The following ACIN1 variants were observed in gnomAD, a reference collection of about 807,000 sequenced individuals.
ACIN1 encodes the protein apoptotic chromatin condensation inducer 1.
A neutral mutation model predicts 146.6 loss-of-function variants in ACIN1; 16 were observed. That is an observed-to-expected ratio of 0.11 (90% CI 0.07 to 0.17). The LOEUF is 0.17. ACIN1 is among the 10% of genes least tolerant of loss of function. The probability of loss-of-function intolerance (pLI) is 1.00; values close to 1 mark genes in which losing one functional copy is unlikely to be tolerated. For missense variants in ACIN1, 1,357 were observed against 1,609.3 expected (o/e 0.84, Z 2.68); for synonymous variants, 569 against 582.7 (o/e 0.98, Z 0.34).
Position 23,067,244 on chromosome 14 carries a change from A to G in ACIN1, c.2266-1236T>C, listed in dbSNP as rs1348687841. 1.1e-6 allele frequency: 1 copy of G among 906,306 alleles called. No individual in the cohort carries two copies. Among genetic ancestry groups the G allele is most frequent in the African/African-American group, 1.8e-5 (1 of 55,614 alleles). The allele number at this position is 906,306 out of a possible 1,614,324, so 56.1% of individuals were successfully genotyped here. A position where few individuals can be genotyped will look rare whatever the true frequency, so the allele number is the denominator to read the frequency against. ...AGAAAAAAATAAAATAAAATATTAA[A>G]AAAAGAAGAAGAAAATAAAGAAGAA... On this transcript the variant is annotated intron_variant, in intron 9 of 18. Transcript: ENST00000605057. This position sits in a 1 kb window ranked among gnomAD's most constrained non-coding sequence, Gnocchi z 4.6.
At position 23,072,777 on chromosome 14, in the gene ACIN1, A is replaced by G. The variant is rs375118278; in HGVS notation, c.2124-3160T>C. ...ACTGCATGCTAAAGTGGCCATATTT[A>G]TACATTACTTTAAATGTTTCCTTTC... On this transcript the variant is annotated intron_variant, in intron 8 of 18. Transcript: ENST00000605057. Among the ~76,000 whole-genome samples, 20 of 152,372 alleles carry G rather than the reference A, an allele frequency of 1.3e-4. No homozygotes were observed. The South Asian group carries it at 3.3e-3, about 25-fold the overall frequency.
intron 14 of ACIN1, 142 bp from the exon 15 acceptor site, chr14:23,062,665 G>C: frequency 3.6e-6 from 3 of 827,330 alleles, no homozygotes; most frequent in Non-Finnish European, 5.8e-6. Flanking sequence ...CAGTAAGAAT[G>C]TGAGAAGAGT....
In ACIN1 at chr14:23,080,470, C is replaced by A. The variant is rs746459395; in HGVS notation, c.865G>T (p.Ala289Ser). The change falls in exon 6 of 19, where the codon GCT becomes TCT. Residue 289 changes from alanine to serine, a missense_variant. Physicochemically the swap from Ala to Ser is moderately conservative, Grantham distance 99. Transcript: ENST00000605057. ...TGTCTGGCCAGATGACTTTTTCTAG[C>A]CTCTTCCTGGGATCTTGTAAATCTC... is the stretch of plus-strand genomic sequence containing the variant. ...GGRFTRSQEE[A>S]RKSHLARQQQ... 1.9e-6 allele frequency: 3 copies of A among 1,614,116 alleles called. No individual in the cohort carries two copies. The Admixed American group carries it at 5.0e-5, about 27-fold the overall frequency.
chr14:23,082,669 T>G (rs1305427151), intron 4 of ACIN1, among the ~76,000 whole-genome samples: 1 of 152,028 alleles, frequency 6.6e-6, no homozygotes, highest in Non-Finnish European at 1.5e-5. Flanking sequence ...GGTCTCAAAC[T>G]CCTGACCTCA....
intron 14 of ACIN1, 181 bp from the exon 15 acceptor site, chr14:23,062,704 G>T: frequency 1.3e-6 from 1 of 746,474 alleles, no homozygotes; most frequent in Admixed American, 2.8e-5. Flanking sequence ...TAATTGAGAC[G>T]TTGTATGTGA....
rs1381753371 is a variant in ACIN1 at position 23,062,867 on chromosome 14, A to T, written c.2883+62T>A. On this transcript the variant is annotated intron_variant, in intron 14 of 18. Coordinates refer to ENST00000605057, the MANE Select transcript of ACIN1 (RefSeq NM_001386863.1). ...CAACTATGAGTGGAACCTAGGAGGC[A>T]TAAGCCTAAAGCTCAAACTTAACCA... 4.6e-6 allele frequency: 7 copies of T among 1,529,538 alleles called. No individual in the cohort carries two copies. In the African/African-American group the frequency reaches 9.7e-5, roughly 21 times the overall value. 94.7% of individuals were successfully genotyped at this position (1,529,538 alleles called of 1,614,324 possible).
At chr14:23,094,931 C>A in intron 1 of ACIN1, 44 bp downstream of exon 1, 1 of 1,540,062 alleles carries the variant, frequency 6.5e-7, no homozygotes. Context: ...TCGTCTCTAC[C>A]GGGTCCGCTC....
At chr14:23,085,970 T>A (rs1386558707) in intron 4 of ACIN1, among the ~76,000 whole-genome samples, 4 of 152,242 alleles carry the variant, frequency 2.6e-5, no homozygotes, top group Non-Finnish European at 5.9e-5. Context: ...GCAGGATATA[T>A]TAAAGTGCAG....
rs1594751969 is a variant in ACIN1 at position 23,067,601 on chromosome 14, G to C, written c.2266-1593C>G. The C allele has an allele frequency of 1.0e-6, 1 of 985,950 alleles. No homozygotes were observed. The highest frequency in any genetic ancestry group is 1.1e-4 in the East Asian group (1 of 8,820). The allele number at this position is 985,950 out of a possible 1,614,324, so 61.1% of individuals were successfully genotyped here. A position where few individuals can be genotyped will look rare whatever the true frequency, so the allele number is the denominator to read the frequency against. On this transcript the variant is annotated intron_variant, in intron 9 of 18. Transcript: ENST00000605057. This position sits in a 1 kb window ranked among gnomAD's most constrained non-coding sequence, Gnocchi z 4.6. ...CTCAGCGAGGGATAGAGGGGGGAAA[G>C]GGGCAGAGACATCAGTCCTGGCCCT... is the stretch of plus-strand genomic sequence containing the variant.
At chr14:23,084,444 A>C (rs983583921) in intron 4 of ACIN1, among the ~76,000 whole-genome samples, 1 of 152,062 alleles carries the variant, frequency 6.6e-6, no homozygotes. Context: ...ATCTCTACTA[A>C]AAATACAAAA....
At chr14:23,086,642 C>T (rs2048098176) in intron 4 of ACIN1, among the ~76,000 whole-genome samples, 1 of 152,182 alleles carries the variant, frequency 6.6e-6, no homozygotes, top group African/African-American at 2.4e-5. Context: ...TGTGCCATCA[C>T]AGTCAGCTAA....
Position 23,080,517 on chromosome 14 carries a change from T to G in ACIN1, c.818A>C (p.Gln273Pro). Reference sequence around the variant, plus strand: ...TCTCCCTCCTCTCTCTAACACCTCCTGTTCCTGGGATCTTGTTTTGGGTCT... The same window carrying G: ...TCTCCCTCCTCTCTCTAACACCTCCGGTTCCTGGGATCTTGTTTTGGGTCT... ...DERPKTRSQE[Q>P]EVLERGGRFT... The change falls in exon 6 of 19, where the codon CAG (glutamine) becomes CCG (proline). Residue 273 changes from glutamine (Q) to proline (P), a missense_variant. Around this residue, in one of 4 missense-constraint regions of ACIN1, gnomAD observed 771 missense variants for 746.6 expected, o/e 1.03. Transcript: ENST00000605057. 6.2e-7 allele frequency: 1 copy of G among 1,614,184 alleles called. No individual in the cohort carries two copies. Among genetic ancestry groups the G allele is most frequent in the African/African-American group, 1.3e-5 (1 of 75,040 alleles).
chr14:23,065,224 G>A (rs753611745), intron 10 of ACIN1, among the ~76,000 whole-genome samples: 3 of 152,168 alleles, frequency 2.0e-5, no homozygotes, highest in Admixed American at 6.5e-5. Flanking sequence ...TCCTCATTGG[G>A]GAAAATGTTA....
chr14:23,079,288 A>G lies in ACIN1; in HGVS notation c.1789-250T>C, dbSNP rs112929478. 6.0e-4 allele frequency among the ~76,000 whole-genome samples: 92 copies of G among 152,360 alleles called. 3 individuals carry two copies. Among genetic ancestry groups the G allele is most frequent in the Middle Eastern group, 3.4e-3 (1 of 294 alleles). ...GTAAAAGGGCATGCCCACATCCTCA[A>G]GAAGTTTCCATCTAGTGGAGGAGAT... On this transcript the variant is annotated intron_variant, in intron 6 of 18. Coordinates refer to ENST00000605057, the MANE Select transcript of ACIN1 (RefSeq NM_001386863.1).
At chr14:23,066,244 G>A in intron 9 of ACIN1, 1 of 465,330 alleles carries the variant, frequency 2.1e-6, no homozygotes. Flanking sequence ...CATCAGAGCA[G>A]GGAAAAGTCA....
chr14:23,063,099 C>T (rs780397553), intron 13 of ACIN1, 25 bp from the exon 14 acceptor site: 7 of 1,583,126 alleles, frequency 4.4e-6, no homozygotes, highest in Non-Finnish European at 5.1e-6. Context: ...ACAAGAACAG[C>T]TTTTGGTAGG....
At position 23,061,166 on chromosome 14, in the gene ACIN1, G is replaced by A. The variant is rs2047267076; in HGVS notation, c.3443C>T (p.Pro1148Leu). 1 of 1,614,084 alleles carries A rather than the reference G, an allele frequency of 6.2e-7. No individual in the cohort carries two copies. The change falls in exon 18 of 19, where the codon CCA becomes CTA. Residue 1148 changes from proline to leucine, a missense_variant. Pro to Leu is a moderately conservative substitution (Grantham distance 98, BLOSUM62 -3). Coordinates refer to ENST00000605057, the MANE Select transcript of ACIN1 (RefSeq NM_001386863.1). The stretch of plus-strand genomic sequence containing the variant: ...AAGGTCATCCAGCAGCTTGGCAGGT[G>A]GTTCCTCCTGGGCTTTCTCTGAGGT... ...SEKKEKAQEE[P>L]PAKLLDDLFR...
In ACIN1 at chr14:23,069,643, G is replaced by A. The variant is rs778951362; in HGVS notation, c.2124-26C>T. The A allele has an allele frequency of 1.6e-5, 20 of 1,249,240 alleles. 1 individual carries two copies. The highest frequency in any genetic ancestry group is 1.4e-4 in the South Asian group (11 of 81,202). 77.4% of individuals were successfully genotyped at this position (1,249,240 alleles called of 1,614,324 possible). A position where few individuals can be genotyped will look rare whatever the true frequency, so the allele number is the denominator to read the frequency against. ...CTGACAGGAGGGGGGAGTGGTGGTG[G>A]GGGGGCGGGCAGAAAAGAACCAAGG... On this transcript the variant is annotated intron_variant, in intron 8 of 18. Transcript: ENST00000605057.
Position 23,058,808 on chromosome 14 carries a change from A to G in ACIN1, c.*340T>C. The G allele has an allele frequency of 3.1e-6, 1 of 326,546 alleles. No homozygotes were observed. Among genetic ancestry groups the G allele is most frequent in the Non-Finnish European group, 5.7e-6 (1 of 175,200 alleles). 20.2% of individuals were successfully genotyped at this position (326,546 alleles called of 1,614,324 possible). On this transcript the variant is annotated 3_prime_UTR_variant, in exon 19 of 19. Coordinates refer to ENST00000605057, the MANE Select transcript of ACIN1 (RefSeq NM_001386863.1). ...CCGGCTGTTCCCAAGAGAAGGCTGT[A>G]AGTACCCAGGGAGGTGGTAAGCAGG...
Sources: gnomAD v4.1 joint callset for allele counts (sites outside exome capture counted in the v4.1 genomes callset) on GRCh38, gnomAD v4.1.1 for gene constraint, gnomAD v4.1.1 regional missense constraint, Gnocchi (gnomAD v3.1) non-coding constraint, MANE v1.5 for transcripts, NCBI Gene and HGNC (gene_info 2026-07-23, HGNC 2026-07-21) for gene names.